Variants in TTC28 observed in about 807,000 individuals in gnomAD.
The protein encoded by TTC28 is tetratricopeptide repeat domain 28, also known as tetratricopeptide repeat protein 28.
A neutral mutation model predicts 198.0 loss-of-function variants in TTC28; 61 were observed. The observed-to-expected ratio is 0.31, with a 90% CI of 0.25 to 0.38. The LOEUF (loss-of-function observed/expected upper bound fraction) is 0.38, where lower values mean the gene tolerates loss of function less well. Ranked by LOEUF, TTC28 falls within the 10% of genes least tolerant of loss-of-function variation. The probability of loss-of-function intolerance (pLI) is 1.00; values close to 1 mark genes in which losing one functional copy is unlikely to be tolerated. For missense variants in TTC28, 2,678 were observed against 3,164.0 expected, an observed-to-expected ratio of 0.85 and a Z score of 3.69; for synonymous variants, 1,171 against 1,297.8, an observed-to-expected ratio of 0.90 and a Z score of 2.10.
At chr22:27,985,193 C>A in intron 22 of TTC28, 56 bp downstream of exon 22, 2 of 1,321,420 alleles carry the variant, frequency 1.5e-6, no homozygotes, top group Non-Finnish European at 2.1e-6. Context: ...GGTGTCGGCC[C>A]CCAGGGAGAG....
chr22:28,295,482 T>A (rs980028807), intron 5 of TTC28, among the ~76,000 whole-genome samples: 2 of 152,082 alleles, frequency 1.3e-5, no homozygotes, highest in Non-Finnish European at 2.9e-5. Context: ...CTACCACAAC[T>A]GTGTTTGGAA....
chr22:28,616,092 T>C (rs557394491), intron 2 of TTC28, among the ~76,000 whole-genome samples: 1 of 152,290 alleles, frequency 6.6e-6, no homozygotes, highest in East Asian at 1.9e-4. Context: ...GTGTTAGAAC[T>C]TGAAAGAGAA....
In TTC28 at chr22:28,030,206, G is replaced by C. The variant is rs753227017; in HGVS notation, c.4073+20C>G. On this transcript the variant is annotated intron_variant, in intron 13 of 22. Transcript: ENST00000397906. ...GCACCCTGCCCTGCACTGGGCCTGGGGAAAGCGCCCCACACTCACCTGTTA... is the reference window on the plus strand; with the variant it reads ...GCACCCTGCCCTGCACTGGGCCTGGCGAAAGCGCCCCACACTCACCTGTTA... 1 of 1,551,176 alleles carries C rather than the reference G, an allele frequency of 6.4e-7. No homozygotes were observed. The highest frequency in any genetic ancestry group is 1.2e-5 in the South Asian group (1 of 84,002).
intron 9 of TTC28, 35 bp from the exon 10 acceptor site, chr22:28,099,079 C>T: frequency 2.4e-5 from 37 of 1,551,016 alleles, no homozygotes; most frequent in Non-Finnish European, 3.2e-5. Flanking sequence ...ATCCATTCCC[C>T]AGAAACCAAT....
At chr22:28,464,395 T>C (rs892745734) in intron 2 of TTC28, among the ~76,000 whole-genome samples, 5 of 152,228 alleles carry the variant, frequency 3.3e-5, no homozygotes, top group African/African-American at 7.2e-5. Context: ...GAAGTGTTTG[T>C]AGGAAAATTA....
chr22:28,293,248 C>A (rs956362146), intron 5 of TTC28, among the ~76,000 whole-genome samples: 5 of 152,096 alleles, frequency 3.3e-5, no homozygotes, highest in African/African-American at 1.2e-4. Context: ...TTATAGCTCA[C>A]ACACACAGAC....
At chr22:28,298,452 A>G (rs1185800145) in intron 3 of TTC28, among the ~76,000 whole-genome samples, 1 of 152,120 alleles carries the variant, frequency 6.6e-6, no homozygotes, top group African/African-American at 2.4e-5. Context: ...CTGGCATTTG[A>G]TAAGAGGTTT....
Position 28,193,754 on chromosome 22 carries a change from G to T in TTC28, c.934-30155C>A, listed in dbSNP as rs531291106. Among the ~76,000 whole-genome samples the T allele has an allele frequency of 3.3e-5, 5 of 152,204 alleles. No homozygotes were observed. In the South Asian group the frequency reaches 8.3e-4, roughly 25 times the overall value. On this transcript the variant is annotated intron_variant, in intron 5 of 22. Transcript: ENST00000397906. The stretch of plus-strand genomic sequence containing the variant: ...AGAGCTAACTATCCTAAATATATAT[G>T]CACCCAATAAAGGAGCATCCAGATT...
chr22:28,089,210 C>T (rs1246264853), intron 12 of TTC28, among the ~76,000 whole-genome samples: 1 of 152,140 alleles, frequency 6.6e-6, no homozygotes, highest in African/African-American at 2.4e-5. Flanking sequence ...AAGACACATG[C>T]ACACGTATGT....
chr22:28,175,040 G>A (rs715527), intron 5 of TTC28, among the ~76,000 whole-genome samples: 1 of 150,528 alleles, frequency 6.6e-6, no homozygotes, highest in African/African-American at 2.4e-5. Flanking sequence ...AAAAAAAAAG[G>A]ACTGGGAAAA....
At position 28,163,583 on chromosome 22, in the gene TTC28, A is replaced by C; in HGVS notation, c.950T>G (p.Leu317Trp). The C allele has an allele frequency of 6.5e-7, 1 of 1,537,268 alleles. No individual in the cohort carries two copies. Among genetic ancestry groups the C allele is most frequent in the South Asian group, 1.2e-5 (1 of 82,362 alleles). The change falls in exon 6 of 23, where the codon TTG becomes TGG. Residue 317 changes from leucine (L) to tryptophan (W), a missense_variant. Coordinates refer to ENST00000397906, the MANE Select transcript of TTC28 (RefSeq NM_001145418.2). The part of the protein sequence containing the change: ...LKDREAASSA[L>W]SSLGHVYTAI... ...TGTGTACACGTGGCCCAGACTGCTC[A>C]AGGCTGATGAAGCTGCCTGGAGAGA...
intron 2 of TTC28, among the ~76,000 whole-genome samples, chr22:28,403,494 C>T (rs536110418): frequency 1.3e-5 from 2 of 152,270 alleles, no homozygotes; most frequent in South Asian, 2.1e-4. Context: ...CAAAGTTTTG[C>T]TAACATTTAT....
intron 5 of TTC28, among the ~76,000 whole-genome samples, chr22:28,198,818 T>A (rs1925618135): frequency 6.6e-6 from 1 of 152,134 alleles, no homozygotes; most frequent in South Asian, 2.1e-4. Flanking sequence ...AGAGCATGGA[T>A]GATTACAACA....
chr22:28,159,857 A>AT (rs1460389427), intron 6 of TTC28, among the ~76,000 whole-genome samples: 8 of 152,216 alleles, frequency 5.3e-5, no homozygotes, highest in Admixed American at 1.3e-4. Flanking sequence ...TGTGGTACAT[A>AT]TACACAATGG....
rs530651876 is a variant in TTC28, at chr22:28,639,992, G to C, written c.103-10162C>G. Among the ~76,000 whole-genome samples, 253 of 152,184 alleles carry C rather than the reference G, an allele frequency of 1.7e-3. 1 individual carries two copies. Among genetic ancestry groups the C allele is most frequent in the African/African-American group, 5.9e-3 (243 of 41,538 alleles). ...AGCTAACAACAAGATTAATAAACTG[G>C]AAGATAAGAAACAGAAAAATCCTCA... On this transcript the variant is annotated intron_variant, in intron 1 of 22. Transcript: ENST00000397906.
chr22:28,439,180 A>G (rs530996522), intron 2 of TTC28, among the ~76,000 whole-genome samples: 1 of 152,372 alleles, frequency 6.6e-6, no homozygotes, highest in Admixed American at 6.5e-5. Context: ...GAACTCAAGG[A>G]GTTTTAAGTG....
intron 2 of TTC28, among the ~76,000 whole-genome samples, chr22:28,329,197 A>G (rs2045579265): frequency 6.6e-6 from 1 of 152,192 alleles, no homozygotes; most frequent in Non-Finnish European, 1.5e-5. Context: ...ATGTATAGAT[A>G]TATGTATGTA....
At chr22:28,468,171 G>A (rs1487792025) in intron 2 of TTC28, among the ~76,000 whole-genome samples, 1 of 152,122 alleles carries the variant, frequency 6.6e-6, no homozygotes, top group Non-Finnish European at 1.5e-5. Context: ...CAAAGAATGT[G>A]AGCATGGTTT....
chr22:28,250,258 T>C (rs1031287848), intron 5 of TTC28, among the ~76,000 whole-genome samples: 1 of 152,242 alleles, frequency 6.6e-6, no homozygotes, highest in Non-Finnish European at 1.5e-5. Context: ...TTCTTTTTAA[T>C]GTCCTGGATG....
Sources: allele counts gnomAD v4.1 joint callset (sites outside exome capture counted in the v4.1 genomes callset), GRCh38; gene constraint gnomAD v4.1.1; transcripts MANE v1.5; gene names NCBI Gene and HGNC (gene_info 2026-07-23, HGNC 2026-07-21).